NALCN: variants seen among roughly 807,000 people sequenced by gnomAD.
NALCN encodes the protein sodium leak channel, non-selective.
NALCN carries 111 observed loss-of-function variants against 225.3 expected under a neutral mutation model. That is an observed-to-expected ratio of 0.49 (90% CI 0.42 to 0.58). The LOEUF (loss-of-function observed/expected upper bound fraction) is 0.58, where lower values mean the gene tolerates loss of function less well. NALCN is among the 20% of genes least tolerant of loss of function. The pLI, the probability that NALCN is intolerant of heterozygous loss-of-function variation, is 0.00. For missense variants in NALCN, 1,378 were observed against 2,202.4 expected, an observed-to-expected ratio of 0.63 and a Z score of 7.49; for synonymous variants, 764 against 769.0, an observed-to-expected ratio of 0.99 and a Z score of 0.11.
At chr13:101,099,739 G>T (rs915957191) in intron 27 of NALCN, among the ~76,000 whole-genome samples, 4 of 152,094 alleles carry the variant, frequency 2.6e-5, no homozygotes, top group African/African-American at 7.2e-5. Flanking sequence ...CTTTACAGAG[G>T]AATGTGGGTG....
At chr13:101,211,570 A>C (rs929672523) in intron 13 of NALCN, among the ~76,000 whole-genome samples, 7 of 152,010 alleles carry the variant, frequency 4.6e-5, no homozygotes, top group African/African-American at 1.4e-4. Flanking sequence ...AGGAAAAAAA[A>C]ACCCTAATGT....
At chr13:101,259,732 G>GTATATATATATATATATATATATA (rs35199456) in intron 10 of NALCN, among the ~76,000 whole-genome samples, 3 of 119,396 alleles carry the variant, frequency 2.5e-5, no homozygotes, top group South Asian at 2.9e-4. Flanking sequence ...CATAGTAAGT[G>GTATATATATATATATATATATATA]TATATATATA....
intron 11 of NALCN, among the ~76,000 whole-genome samples, chr13:101,245,106 T>C (rs948138747): frequency 2.0e-5 from 3 of 152,126 alleles, no homozygotes; most frequent in African/African-American, 7.2e-5. Context: ...TGGCTTCCAT[T>C]TGTCACTCTT....
At chr13:101,416,710 C>G (rs1056794256), upstream of NALCN, among the ~76,000 whole-genome samples, 1 of 152,100 alleles carries the variant, frequency 6.6e-6, no homozygotes, top group Non-Finnish European at 1.5e-5. Flanking sequence ...TCCTTCTTGC[C>G]GGCTGCCACC....
In NALCN at chr13:101,093,559, G is replaced by T. The variant is rs535866409; in HGVS notation, c.3269+2015C>A. Among the ~76,000 whole-genome samples, 3 of 152,306 alleles carry T rather than the reference G, an allele frequency of 2.0e-5. No homozygotes were observed. In the South Asian group the frequency reaches 6.2e-4, roughly 32 times the overall value. ...GCCTGGCTATTTGCTTATGCTTCTA[G>T]AATGGCATTGCCTTTGAAACCCCTA... On this transcript the variant is annotated intron_variant, in intron 28 of 43. Coordinates refer to ENST00000251127, the MANE Select transcript of NALCN (RefSeq NM_052867.4).
rs375843389 is a variant in NALCN, at chr13:101,175,644, G to T, written c.1839+656C>A. ...TCTTGCGAGCTCTTCTTCTCAAAGG[G>T]TCTGTACTCTTTGATAGAGCCAAAT... On this transcript the variant is annotated intron_variant, in intron 15 of 43. Transcript: ENST00000251127. Among the ~76,000 whole-genome samples, 8 of 152,234 alleles carry T rather than the reference G, an allele frequency of 5.3e-5. No homozygotes were observed. The South Asian group carries it at 6.2e-4, about 12-fold the overall frequency.
chr13:101,303,609 C>T (rs1301674181), intron 7 of NALCN, among the ~76,000 whole-genome samples: 5 of 152,114 alleles, frequency 3.3e-5, no homozygotes, highest in East Asian at 1.9e-4. Flanking sequence ...GGAAGGAAAA[C>T]GGTCATTCAC....
chr13:101,367,347 T>C (rs912371905), intron 6 of NALCN, among the ~76,000 whole-genome samples: 6 of 152,122 alleles, frequency 3.9e-5, no homozygotes, highest in Admixed American at 2.0e-4. Context: ...TCAAAGGTCA[T>C]ATTCTTTACA....
intron 10 of NALCN, among the ~76,000 whole-genome samples, chr13:101,268,360 TG>T (rs1362291432): frequency 6.6e-6 from 1 of 152,182 alleles, no homozygotes; most frequent in African/African-American, 2.4e-5. Context: ...TCAGGACTCC[TG>T]GACTTCAACT....
intron 11 of NALCN, among the ~76,000 whole-genome samples, chr13:101,250,695 C>T (rs1185283378): frequency 1.3e-5 from 2 of 151,614 alleles, no homozygotes; most frequent in Non-Finnish European, 2.9e-5. Context: ...ACACAAAAAG[C>T]ACTGAATCAA....
intron 6 of NALCN, among the ~76,000 whole-genome samples, chr13:101,367,338 C>T (rs1457960225): frequency 6.6e-6 from 1 of 151,942 alleles, no homozygotes; most frequent in Admixed American, 6.6e-5. Context: ...AGAGTTTGCT[C>T]AAAGGTCATA....
rs148922726 is a variant in NALCN, at chr13:101,299,410, C to G, written c.800-7044G>C. 5.1e-3 allele frequency among the ~76,000 whole-genome samples: 772 copies of G among 152,032 alleles called. 6 individuals are homozygous for G. Among genetic ancestry groups the G allele is most frequent in the African/African-American group, 0.018 (745 of 41,448 alleles). On this transcript the variant is annotated intron_variant, in intron 7 of 43. Coordinates refer to ENST00000251127, the MANE Select transcript of NALCN (RefSeq NM_052867.4). ...GCCTTCTGAACTGTCCCAAGACAAA[C>G]CACACACAGGGTTTTTTTTGTTTGT...
chr13:101,104,498 G>A lies in NALCN; in HGVS notation c.2757+32C>T. On this transcript the variant is annotated intron_variant, in intron 24 of 43. Coordinates refer to ENST00000251127, the MANE Select transcript of NALCN (RefSeq NM_052867.4). This position sits in a 1 kb window ranked among gnomAD's most constrained non-coding sequence, Gnocchi z 4.2. ...CAGGTCAGTATTTTACCTCCTAGTTGTAAGCTGAGATTTTGCAGCGGTAAG... is the reference window on the plus strand; with the variant it reads ...CAGGTCAGTATTTTACCTCCTAGTTATAAGCTGAGATTTTGCAGCGGTAAG... 6.2e-7 allele frequency: 1 copy of A among 1,613,626 alleles called. No individual in the cohort carries two copies. Among genetic ancestry groups the A allele is most frequent in the Non-Finnish European group, 8.5e-7 (1 of 1,179,716 alleles).
chr13:101,367,415 A>AATT (rs554063505), intron 6 of NALCN, among the ~76,000 whole-genome samples: 1 of 151,174 alleles, frequency 6.6e-6, no homozygotes, highest in Non-Finnish European at 1.5e-5. Context: ...CTTTCTAACT[A>AATT]ATTATTATTA....
chr13:101,122,126 C>T (rs893895226), intron 18 of NALCN, among the ~76,000 whole-genome samples: 1 of 151,972 alleles, frequency 6.6e-6, no homozygotes, highest in Non-Finnish European at 1.5e-5. Context: ...GTATCATTGC[C>T]ATTACTATTA....
At chr13:101,230,899 A>G (rs1178505076) in intron 12 of NALCN, among the ~76,000 whole-genome samples, 1 of 152,214 alleles carries the variant, frequency 6.6e-6, no homozygotes, top group African/African-American at 2.4e-5. Flanking sequence ...TTTTGAGTCA[A>G]GTATGGGCCA....
At chr13:101,085,040 G>A (rs967007548) in intron 30 of NALCN, among the ~76,000 whole-genome samples, 28 of 152,188 alleles carry the variant, frequency 1.8e-4, no homozygotes, top group East Asian at 3.9e-4. Context: ...TAATATTAAC[G>A]AGATGAAACA....
chr13:101,236,019 T>C (rs2041541216), intron 12 of NALCN, among the ~76,000 whole-genome samples: 1 of 152,196 alleles, frequency 6.6e-6, no homozygotes, highest in Non-Finnish European at 1.5e-5. Flanking sequence ...TGTCATTTTA[T>C]TTCCCAAATA....
rs574816747 is a variant in NALCN, at chr13:101,288,951, A to T, written c.1047+3039T>A. On this transcript the variant is annotated intron_variant, in intron 9 of 43. Transcript: ENST00000251127. The stretch of plus-strand genomic sequence containing the variant: ...GGCTCATAACAGGTATCTGAAGTAA[A>T]GCATCTAAATAATGGGAGTAAAGGT... Among the ~76,000 whole-genome samples the T allele has an allele frequency of 1.1e-4, 17 of 152,350 alleles. No individual in the cohort carries two copies. In the South Asian group the frequency reaches 3.3e-3, roughly 30 times the overall value.
Sources: allele counts gnomAD v4.1 joint callset (sites outside exome capture counted in the v4.1 genomes callset), GRCh38; gene constraint gnomAD v4.1.1; non-coding constraint Gnocchi (gnomAD v3.1); transcripts MANE v1.5; gene names NCBI Gene and HGNC (gene_info 2026-07-23, HGNC 2026-07-21).